Variants in PRDM16 observed in about 807,000 individuals in gnomAD.
The protein encoded by PRDM16 is histone-lysine N-methyltransferase PRDM16.
PRDM16 carries 23 observed loss-of-function variants against 110.6 expected under a neutral mutation model. That is an observed-to-expected ratio of 0.21 (90% CI 0.15 to 0.29). The LOEUF (loss-of-function observed/expected upper bound fraction) is 0.29. PRDM16 is among the 10% of genes least tolerant of loss of function. PRDM16 has a pLI of 1.00. For missense variants in PRDM16, 1,615 were observed against 1,794.3 expected, an observed-to-expected ratio of 0.90 and a Z score of 1.81; for synonymous variants, 799 against 781.8, an observed-to-expected ratio of 1.02 and a Z score of -0.37.
intron 3 of PRDM16, among the ~76,000 whole-genome samples, chr1:3,279,699 G>C (rs976823175): frequency 2.0e-5 from 3 of 152,232 alleles, no homozygotes; most frequent in Non-Finnish European, 4.4e-5. Context: ...TCGGGGGAGT[G>C]GAGCTGAAGG....
Position 3,081,241 on chromosome 1 carries a change from G to A in PRDM16, c.37+11945G>A, listed in dbSNP as rs567408054. Among the ~76,000 whole-genome samples, 11 of 152,346 alleles carry A rather than the reference G, an allele frequency of 7.2e-5. No individual in the cohort carries two copies. The highest frequency in any genetic ancestry group is 4.1e-4 in the South Asian group (2 of 4,824). On this transcript the variant is annotated intron_variant, in intron 1 of 16. Coordinates refer to ENST00000270722, the MANE Select transcript of PRDM16 (RefSeq NM_022114.4). This position sits in a 1 kb window ranked among gnomAD's most constrained non-coding sequence, Gnocchi z 4.6. Reference sequence around the variant, plus strand: ...AATTACGGCGGCGGGACTTGGGTTCGAGGCCCCTCGCGGCTGTACCCCGAG... The same window carrying A: ...AATTACGGCGGCGGGACTTGGGTTCAAGGCCCCTCGCGGCTGTACCCCGAG...
rs191711933 is a variant in PRDM16, at chr1:3,077,668, C to T, written c.37+8372C>T. Among the ~76,000 whole-genome samples the T allele has an allele frequency of 1.3e-4, 20 of 152,278 alleles. No homozygotes were observed. The East Asian group carries it at 3.9e-3, about 29-fold the overall frequency. ...GGAGTTTTGTTTTTATCTCCTTGGC[C>T]TGTTTGGGAAGCTGATTGGTCAGTC... On this transcript the variant is annotated intron_variant, in intron 1 of 16. Coordinates refer to ENST00000270722, the MANE Select transcript of PRDM16 (RefSeq NM_022114.4).
chr1:3,259,442 G>A (rs887185183), intron 3 of PRDM16, among the ~76,000 whole-genome samples: 1 of 152,198 alleles, frequency 6.6e-6, no homozygotes, highest in Admixed American at 6.5e-5. Context: ...TGATCTTAGG[G>A]CACAACTGGT....
chr1:3,228,655 G>A (rs536691525), intron 2 of PRDM16, among the ~76,000 whole-genome samples: 2 of 152,306 alleles, frequency 1.3e-5, no homozygotes, highest in South Asian at 2.1e-4. Flanking sequence ...GCTTCGGCCT[G>A]TACATATCAT....
At chr1:3,120,860 T>G (rs913531683) in intron 1 of PRDM16, among the ~76,000 whole-genome samples, 4 of 152,196 alleles carry the variant, frequency 2.6e-5, no homozygotes, top group African/African-American at 9.6e-5. Flanking sequence ...CCCTTTCCGC[T>G]TCTGCAGGGA....
chr1:3,268,555 G>A (rs952576944), intron 3 of PRDM16, among the ~76,000 whole-genome samples: 1 of 152,116 alleles, frequency 6.6e-6, no homozygotes, highest in Non-Finnish European at 1.5e-5. Flanking sequence ...TGGCAACTTG[G>A]GGCAGGTCAC....
At chr1:3,109,968 G>A (rs1203745542) in intron 1 of PRDM16, among the ~76,000 whole-genome samples, 1 of 151,180 alleles carries the variant, frequency 6.6e-6, no homozygotes, top group African/African-American at 2.4e-5. Flanking sequence ...CCTGGGTGTG[G>A]GGACACAGTG....
Position 3,083,239 on chromosome 1 carries a change from G to A in PRDM16, c.37+13943G>A, listed in dbSNP as rs116345467. Among the ~76,000 whole-genome samples the A allele has an allele frequency of 9.4e-3, 1,428 of 152,288 alleles. 23 individuals carry two copies. The highest frequency in any genetic ancestry group is 0.031 in the African/African-American group (1,292 of 41,560). ...CAATGGCTAGGAGACGCAGGGGTCG[G>A]GTCTCCTGGCTGCGCCCCACCAAGC... On this transcript the variant is annotated intron_variant, in intron 1 of 16. Coordinates refer to ENST00000270722, the MANE Select transcript of PRDM16 (RefSeq NM_022114.4).
intron 1 of PRDM16, among the ~76,000 whole-genome samples, chr1:3,074,964 T>C (rs938048806): frequency 2.0e-5 from 3 of 152,202 alleles, no homozygotes; most frequent in African/African-American, 7.2e-5. Context: ...AGGGCCACGG[T>C]GGTCATCCTG....
intron 1 of PRDM16, among the ~76,000 whole-genome samples, chr1:3,088,680 A>G (rs1046852632): frequency 6.6e-6 from 1 of 151,084 alleles, no homozygotes; most frequent in Non-Finnish European, 1.5e-5. Context: ...GTTAGCCAGG[A>G]TGGTCTCTAT....
chr1:3,350,026 G>T lies in PRDM16; in HGVS notation c.439-35126G>T, dbSNP rs113312123. Reference sequence around the variant, plus strand: ...CCTGGACCTGACTCCTGTCTTTGAGGGGGGAAGAGGACAGGGCAGAAAAGA... The same window carrying T: ...CCTGGACCTGACTCCTGTCTTTGAGTGGGGAAGAGGACAGGGCAGAAAAGA... On this transcript the variant is annotated intron_variant, in intron 3 of 16. Coordinates refer to ENST00000270722, the MANE Select transcript of PRDM16 (RefSeq NM_022114.4). The surrounding 1 kb of genome is among the most constrained non-coding windows in gnomAD (Gnocchi z 7.1). Among the ~76,000 whole-genome samples, 2 of 152,202 alleles carry T rather than the reference G, an allele frequency of 1.3e-5. No homozygotes were observed. Among genetic ancestry groups the T allele is most frequent in the East Asian group, 1.9e-4 (1 of 5,178 alleles).
intron 1 of PRDM16, among the ~76,000 whole-genome samples, chr1:3,164,413 C>T (rs535080554): frequency 9.2e-5 from 14 of 152,334 alleles, no homozygotes; most frequent in Admixed American, 2.6e-4. Flanking sequence ...TTTCCCAGCT[C>T]GCTCGGACCC....
At chr1:3,416,324 C>T (rs559005313) in intron 10 of PRDM16, among the ~76,000 whole-genome samples, 13 of 152,316 alleles carry the variant, frequency 8.5e-5, no homozygotes, top group South Asian at 2.1e-4. Flanking sequence ...GCCCGGCACT[C>T]GGACTCTGAG....
rs887111530 is a variant in PRDM16, at chr1:3,370,901, T to A, written c.439-14251T>A. ...CACCCACCCATCCACCATCCATTCA[T>A]CCATCCATCCATCCATGCATCCACT... On this transcript the variant is annotated intron_variant, in intron 3 of 16. Transcript: ENST00000270722. This position sits in a 1 kb window ranked among gnomAD's most constrained non-coding sequence, Gnocchi z 4.8. Among the ~76,000 whole-genome samples, 7 of 135,292 alleles carry A rather than the reference T, an allele frequency of 5.2e-5. No individual in the cohort carries two copies. Among genetic ancestry groups the A allele is most frequent in the African/African-American group, 1.1e-4 (4 of 35,592 alleles). 88.8% of individuals were successfully genotyped at this position (135,292 alleles called of 152,430 possible).
intron 2 of PRDM16, among the ~76,000 whole-genome samples, chr1:3,226,614 A>C (rs1414060344): frequency 6.6e-6 from 1 of 152,240 alleles, no homozygotes; most frequent in Non-Finnish European, 1.5e-5. Flanking sequence ...TGGAGCATTT[A>C]ACAACAAGGT....
chr1:3,302,474 A>C (rs1050256743), intron 3 of PRDM16, among the ~76,000 whole-genome samples: 5 of 151,678 alleles, frequency 3.3e-5, no homozygotes, highest in African/African-American at 1.2e-4. Flanking sequence ...GGTTGCCCCA[A>C]AGTATCCATT....
chr1:3,314,762 C>G (rs974159223), intron 3 of PRDM16, among the ~76,000 whole-genome samples: 7 of 152,094 alleles, frequency 4.6e-5, no homozygotes, highest in Non-Finnish European at 1.0e-4. Context: ...TCAGTTGCTT[C>G]GTTTTTTGCA....
chr1:3,176,363 G>T (rs1011568353), intron 1 of PRDM16, among the ~76,000 whole-genome samples: 3 of 121,220 alleles, frequency 2.5e-5, no homozygotes, highest in Non-Finnish European at 5.4e-5. Flanking sequence ...TCTCCTGGAG[G>T]CATTCACACC....
chr1:3,275,558 C>T (rs1230192804), intron 3 of PRDM16, among the ~76,000 whole-genome samples: 1 of 152,160 alleles, frequency 6.6e-6, no homozygotes, highest in Non-Finnish European at 1.5e-5. Flanking sequence ...GACGGGTCAC[C>T]CTGTCCTGGT....
Sources: allele counts gnomAD v4.1 joint callset (sites outside exome capture counted in the v4.1 genomes callset), GRCh38; gene constraint gnomAD v4.1.1; non-coding constraint Gnocchi (gnomAD v3.1); transcripts MANE v1.5; gene names NCBI Gene and HGNC (gene_info 2026-07-23, HGNC 2026-07-21).